Variants in PABIR3 observed in about 807,000 individuals in gnomAD.
PABIR3 encodes the protein PABIR family member 1.
A neutral mutation model predicts 23.1 loss-of-function variants in PABIR3; 20 were observed. That is an observed-to-expected ratio of 0.86 (90% CI 0.61 to 1.26). The LOEUF is 1.26. Ranked by LOEUF, PABIR3 falls within the 50% of genes most tolerant of loss-of-function variation. The pLI, the probability that PABIR3 is intolerant of heterozygous loss-of-function variation, is 0.00. For missense variants in PABIR3, 189 were observed against 195.4 expected (o/e 0.97, Z 0.20); for synonymous variants, 69 against 68.5 (o/e 1.01, Z -0.04).
intron 4 of PABIR3, among the ~76,000 whole-genome samples, chrX:134,844,445 C>T (rs774050999): frequency 2.7e-5 from 3 of 109,921 alleles, no homozygotes; most frequent in Non-Finnish European, 5.7e-5. Context: ...GTCATCTAAA[C>T]ATTGTCCCAA....
At chrX:134,825,244 A>C (rs1486274519) in intron 3 of PABIR3, among the ~76,000 whole-genome samples, 1 of 112,506 alleles carries the variant, frequency 8.9e-6, no homozygotes, top group Non-Finnish European at 1.9e-5. Context: ...TTTTATAAAT[A>C]CTTAGCATAT....
chrX:134,853,833 C>T (rs2082717204), intron 10 of PABIR3, among the ~76,000 whole-genome samples: 2 of 110,427 alleles, frequency 1.8e-5, no homozygotes, highest in African/African-American at 6.6e-5. Flanking sequence ...TTGGTCAGGC[C>T]GGTCTTGAAC....
chrX:134,862,396 C>T, the PABIR3 span, among the ~76,000 whole-genome samples: 18 of 110,945 alleles, frequency 1.6e-4, no homozygotes, highest in African/African-American at 4.2e-4. Context: ...GTGATCTGCC[C>T]GCCTCAGCCT....
At chrX:134,811,094 A>G (rs1230238541) in intron 2 of PABIR3, 2 of 748,478 alleles carry the variant, frequency 2.7e-6, no homozygotes, top group Non-Finnish European at 3.1e-6. Context: ...TTTCTTTCAT[A>G]TCAACTCTTT....
intron 7 of PABIR3, 85 bp from the exon 8 acceptor site, chrX:134,847,798 C>T (rs1220528822): frequency 2.7e-6 from 2 of 754,633 alleles, no homozygotes; most frequent in Admixed American, 5.4e-5. Context: ...CCCTCCCTAC[C>T]ATCCCTGCCC....
intron 4 of PABIR3, among the ~76,000 whole-genome samples, chrX:134,836,730 A>C (rs780538884): frequency 8.9e-6 from 1 of 111,937 alleles, no homozygotes; most frequent in South Asian, 3.7e-4. Flanking sequence ...ATCCTGAGGC[A>C]CTGGGGATTA....
At chrX:134,806,559 T>C (rs2080243376), upstream of PABIR3, among the ~76,000 whole-genome samples, 1 of 105,973 alleles carries the variant, frequency 9.4e-6, no homozygotes, top group Admixed American at 1.0e-4. Flanking sequence ...GAGGTTGCAG[T>C]GAGCCGAGAT....
intron 3 of PABIR3, among the ~76,000 whole-genome samples, chrX:134,828,543 T>G (rs2081623574): frequency 8.9e-6 from 1 of 112,140 alleles, no homozygotes; most frequent in Admixed American, 9.5e-5. Context: ...AAGCCTCATT[T>G]TCACACTTAG....
chrX:134,840,389 A>G (rs969483474), intron 4 of PABIR3, among the ~76,000 whole-genome samples: 1 of 111,549 alleles, frequency 9.0e-6, no homozygotes, highest in African/African-American at 3.3e-5. Flanking sequence ...ACAAAACAAA[A>G]AAAACATCAT....
intron 10 of PABIR3, 55 bp from the exon 11 acceptor site, chrX:134,854,036 A>G: frequency 8.6e-7 from 1 of 1,169,349 alleles, no homozygotes; most frequent in Middle Eastern, 2.4e-4. Context: ...AAAGCAGAGT[A>G]TACAGAGAGA....
At chrX:134,830,165 C>T (rs759147641) in intron 4 of PABIR3, among the ~76,000 whole-genome samples, 2 of 110,435 alleles carry the variant, frequency 1.8e-5, no homozygotes, top group Middle Eastern at 4.7e-3. Flanking sequence ...TCCCCTTTCC[C>T]TGTTTCAGTG....
At chrX:134,809,306 C>T (rs2080473423) in intron 2 of PABIR3, 1 of 122,305 alleles carries the variant, frequency 8.2e-6, no homozygotes, top group African/African-American at 3.3e-5. Context: ...GCTGGGACTT[C>T]AGGCACCCGC....
intron 3 of PABIR3, among the ~76,000 whole-genome samples, chrX:134,818,030 A>G (rs1382196100): frequency 8.9e-6 from 1 of 111,804 alleles, no homozygotes; most frequent in Non-Finnish European, 1.9e-5. Context: ...GATGGAATCA[A>G]TGGACGGTGG....
the PABIR3 span, among the ~76,000 whole-genome samples, chrX:134,860,981 T>TA: frequency 2.1e-4 from 23 of 111,778 alleles, no homozygotes; most frequent in Admixed American, 1.4e-3. Flanking sequence ...TTTGGGGTGA[T>TA]AAAAAAAGGT....
chrX:134,807,571 C>G lies in PABIR3; in HGVS notation c.-28C>G, dbSNP rs754574795. The G allele has an allele frequency of 1.7e-6, 2 of 1,209,948 alleles. No homozygotes were observed. Among genetic ancestry groups the G allele is most frequent in the Non-Finnish European group, 2.2e-6 (2 of 894,494 alleles). On this transcript the variant is annotated 5_prime_UTR_variant, in exon 2 of 11. Coordinates refer to ENST00000645433, the MANE Select transcript of PABIR3 (RefSeq NM_001388447.1). Reference sequence around the variant, plus strand: ...CCTTGTGTGGACGGGAGCCGGAAAGCCTTGAGAACTTATTCCTCGACCCGG... The same window carrying G: ...CCTTGTGTGGACGGGAGCCGGAAAGGCTTGAGAACTTATTCCTCGACCCGG...
At chrX:134,809,248 C>T in intron 2 of PABIR3, 1 of 126,665 alleles carries the variant, frequency 7.9e-6, no homozygotes, top group Non-Finnish European at 1.6e-5. Context: ...TCACTGCAAC[C>T]TCTGCCTCCC....
chrX:134,828,041 C>CTATA lies in PABIR3; in HGVS notation c.190-1184_190-1183insATAT, dbSNP rs796193908. Among the ~76,000 whole-genome samples the CTATA allele has an allele frequency of 8.1e-3, 576 of 71,501 alleles. 3 individuals are homozygous for CTATA. The highest frequency in any genetic ancestry group is 0.012 in the Admixed American group (62 of 5,187). 62.1% of individuals were successfully genotyped at this position (71,501 alleles called of 115,157 possible). ...TCTCTCTCTCTCTCTCTCTCTCTCT[C>CTATA]TCTCTCTATATATATATATATATAT... On this transcript the variant is annotated intron_variant, in intron 3 of 10. Coordinates refer to ENST00000645433, the MANE Select transcript of PABIR3 (RefSeq NM_001388447.1).
At chrX:134,862,244 G>T in the PABIR3 span, among the ~76,000 whole-genome samples, 3 of 99,946 alleles carry the variant, frequency 3.0e-5, no homozygotes, top group African/African-American at 1.1e-4. Flanking sequence ...TCTGCCTCCT[G>T]GGTTCAAGCG....
intron 2 of PABIR3, chrX:134,809,974 G>T: frequency 8.0e-6 from 6 of 754,607 alleles, no homozygotes; most frequent in Non-Finnish European, 9.4e-6. Context: ...TCTGCATGTT[G>T]TGCTGAGAAC....
Sources: gnomAD v4.1 joint callset for allele counts (sites outside exome capture counted in the v4.1 genomes callset) on GRCh38, gnomAD v4.1.1 for gene constraint, MANE v1.5 for transcripts, NCBI Gene and HGNC (gene_info 2026-07-23, HGNC 2026-07-21) for gene names.